The following LHFPL6 variants were observed in gnomAD, a reference collection of about 807,000 sequenced individuals.
LHFPL6 encodes the protein LHFPL tetraspan subfamily member 6.
In LHFPL6, 9 loss-of-function variants were observed where a neutral mutation model predicts 20.6. That is an observed-to-expected ratio of 0.44 (90% CI 0.26 to 0.76). The LOEUF is 0.76. LHFPL6 is among the 30% of genes least tolerant of loss of function. The pLI, the probability that LHFPL6 is intolerant of heterozygous loss-of-function variation, is 0.20. For synonymous variants in LHFPL6, 105 were observed against 98.7 expected (o/e 1.06, Z -0.38); for missense variants, 218 against 253.5 (o/e 0.86, Z 0.95).
At chr13:39,579,155 T>C (rs1872204880) in intron 2 of LHFPL6, among the ~76,000 whole-genome samples, 1 of 151,932 alleles carries the variant, frequency 6.6e-6, no homozygotes, top group Non-Finnish European at 1.5e-5. Context: ...ATTTTGAGCA[T>C]GAAAGGGCCA....
chr13:39,514,925 C>T (rs1168004445), intron 2 of LHFPL6, among the ~76,000 whole-genome samples: 1 of 152,218 alleles, frequency 6.6e-6, no homozygotes, highest in Admixed American at 6.5e-5. Flanking sequence ...GGAAAACAAG[C>T]TCCAAGAATG....
At chr13:39,354,327 A>G (rs1261775952) in intron 3 of LHFPL6, among the ~76,000 whole-genome samples, 1 of 152,184 alleles carries the variant, frequency 6.6e-6, no homozygotes, top group Non-Finnish European at 1.5e-5. Flanking sequence ...TTGACTGTAC[A>G]TGACATACAC....
In LHFPL6 at chr13:39,406,515, A is replaced by C. The variant is rs75716879; in HGVS notation, c.386-27989T>G. Among the ~76,000 whole-genome samples the C allele has an allele frequency of 1.0e-2, 1,520 of 152,266 alleles. 32 individuals are homozygous for C. Among genetic ancestry groups the C allele is most frequent in the African/African-American group, 0.035 (1,452 of 41,558 alleles). ...GCCTCAATTGTTTGAGTAAAAACAA[A>C]TACTACCACATACATAAGTAATTCT... On this transcript the variant is annotated intron_variant, in intron 2 of 3. Transcript: ENST00000379589.
chr13:39,360,772 C>A (rs1255847144), intron 3 of LHFPL6, among the ~76,000 whole-genome samples: 1 of 85,666 alleles, frequency 1.2e-5, no homozygotes, highest in African/African-American at 3.3e-5. Flanking sequence ...AAAAAAAAAA[C>A]CTTTCTGAAT....
chr13:39,598,326 G>A (rs1033391690), intron 2 of LHFPL6, among the ~76,000 whole-genome samples: 6 of 150,926 alleles, frequency 4.0e-5, no homozygotes, highest in African/African-American at 1.2e-4. Context: ...TTAAGTAACA[G>A]TGATAAACAG....
At chr13:39,353,279 C>T (rs1033694260) in intron 3 of LHFPL6, among the ~76,000 whole-genome samples, 4 of 151,690 alleles carry the variant, frequency 2.6e-5, no homozygotes, top group Non-Finnish European at 4.4e-5. Context: ...AGCCACCACG[C>T]CTGATCCTAA....
chr13:39,429,706 T>G (rs192810980), intron 2 of LHFPL6, among the ~76,000 whole-genome samples: 2 of 152,228 alleles, frequency 1.3e-5, no homozygotes, highest in African/African-American at 4.8e-5. Flanking sequence ...TTATATACAC[T>G]CACAGTCTCC....
chr13:39,489,549 G>A (rs559311288), intron 2 of LHFPL6, among the ~76,000 whole-genome samples: 8 of 80,210 alleles, frequency 1.0e-4, no homozygotes, highest in Middle Eastern at 0.011. Context: ...AGTATGCTGT[G>A]GCTTTTTTTT....
chr13:39,486,966 T>A (rs1868748929), intron 2 of LHFPL6, among the ~76,000 whole-genome samples: 1 of 152,226 alleles, frequency 6.6e-6, no homozygotes, highest in African/African-American at 2.4e-5. Flanking sequence ...AATGCTGCTA[T>A]CTTCTGAGGC....
chr13:39,391,164 G>A (rs139677102), intron 2 of LHFPL6, among the ~76,000 whole-genome samples: 1 of 152,126 alleles, frequency 6.6e-6, no homozygotes, highest in African/African-American at 2.4e-5. Flanking sequence ...CTTATCCCTA[G>A]CTTGCAAACA....
chr13:39,390,489 C>T (rs117376728), intron 2 of LHFPL6, among the ~76,000 whole-genome samples: 1,884 of 152,066 alleles, frequency 0.012, 69 homozygotes, highest in East Asian at 0.12. Flanking sequence ...GAGAATGAGA[C>T]TCTGTCTCTA....
At chr13:39,573,857 CCT>C (rs1872013814) in intron 2 of LHFPL6, among the ~76,000 whole-genome samples, 2 of 151,928 alleles carry the variant, frequency 1.3e-5, no homozygotes, top group Non-Finnish European at 2.9e-5. Context: ...AAATATTTTT[CCT>C]CTGTTTATTA....
Position 39,567,085 on chromosome 13 carries a change from C to G in LHFPL6, c.385+33747G>C, listed in dbSNP as rs1645717195. ...TTTTTGCTAACATCAAACAACGTTA[C>G]AATTATTGAAAAGGTTTTAGCATAG... On this transcript the variant is annotated intron_variant, in intron 2 of 3. Coordinates refer to ENST00000379589, the MANE Select transcript of LHFPL6 (RefSeq NM_005780.3). Among the ~76,000 whole-genome samples, 3 of 147,468 alleles carry G rather than the reference C, an allele frequency of 2.0e-5. No individual in the cohort carries two copies. In the South Asian group the frequency reaches 6.5e-4, roughly 32 times the overall value.
intron 2 of LHFPL6, among the ~76,000 whole-genome samples, chr13:39,504,406 G>A (rs183391114): frequency 8.0e-4 from 121 of 152,140 alleles, no homozygotes; most frequent in African/African-American, 2.7e-3. Context: ...AGATTTCCTC[G>A]CTGTATTAGT....
intron 2 of LHFPL6, among the ~76,000 whole-genome samples, chr13:39,582,291 C>T (rs1872312447): frequency 6.6e-6 from 1 of 152,232 alleles, no homozygotes; most frequent in Admixed American, 6.5e-5. Context: ...CGCTCTCTTT[C>T]TGTCTTACAT....
intron 2 of LHFPL6, among the ~76,000 whole-genome samples, chr13:39,539,834 T>C (rs1416662704): frequency 6.6e-6 from 1 of 152,252 alleles, no homozygotes; most frequent in East Asian, 1.9e-4. Context: ...GTTGCCCCTT[T>C]GGTTCAGACT....
At chr13:39,401,332 T>G (rs1870985976) in intron 2 of LHFPL6, among the ~76,000 whole-genome samples, 1 of 152,234 alleles carries the variant, frequency 6.6e-6, no homozygotes, top group African/African-American at 2.4e-5. Flanking sequence ...TCTGTCTCTC[T>G]CCTTTAAAAC....
chr13:39,550,466 GT>G (rs1385124510), intron 2 of LHFPL6, among the ~76,000 whole-genome samples: 1 of 152,084 alleles, frequency 6.6e-6, no homozygotes, highest in Non-Finnish European at 1.5e-5. Context: ...GAAAAACTGT[GT>G]TTTGCTTTAT....
intron 2 of LHFPL6, among the ~76,000 whole-genome samples, chr13:39,600,394 T>C (rs1872898632): frequency 6.6e-6 from 1 of 152,222 alleles, no homozygotes; most frequent in South Asian, 2.1e-4. Flanking sequence ...CCAAAGTGTA[T>C]TAGAGGTTCA....
Sources: gnomAD v4.1 joint callset for allele counts (sites outside exome capture counted in the v4.1 genomes callset) on GRCh38, gnomAD v4.1.1 for gene constraint, MANE v1.5 for transcripts, NCBI Gene and HGNC (gene_info 2026-07-23, HGNC 2026-07-21) for gene names.